Variants in SGCD observed in about 807,000 individuals in gnomAD.
SGCD encodes sarcoglycan delta.
SGCD carries 18 observed loss-of-function variants against 36.6 expected under a neutral mutation model. That is an observed-to-expected ratio of 0.49 (90% CI 0.34 to 0.73). The LOEUF is 0.73. Ranked by LOEUF, SGCD falls within the 30% of genes least tolerant of loss-of-function variation. The probability of loss-of-function intolerance (pLI) is 0.01; values close to 1 mark genes in which losing one functional copy is unlikely to be tolerated. For synonymous variants in SGCD, 133 were observed against 130.6 expected (o/e 1.02, Z -0.12); for missense variants, 387 against 346.7 (o/e 1.12, Z -0.92).
intron 1 of SGCD, among the ~76,000 whole-genome samples, chr5:155,937,539 T>C (rs1757234329): frequency 6.6e-6 from 1 of 152,166 alleles, no homozygotes; most frequent in Non-Finnish European, 1.5e-5. Flanking sequence ...CAGAAAGGAA[T>C]GAGTGTTTTG....
chr5:156,504,126 C>A (rs1050795302), intron 3 of SGCD, among the ~76,000 whole-genome samples: 7 of 151,540 alleles, frequency 4.6e-5, no homozygotes, highest in Non-Finnish European at 7.4e-5. Context: ...ATCACTTGAA[C>A]CTGGAAGGCG....
intron 1 of SGCD, among the ~76,000 whole-genome samples, chr5:156,053,489 T>C (rs1464220613): frequency 6.8e-6 from 1 of 146,182 alleles, no homozygotes; most frequent in Non-Finnish European, 1.5e-5. Flanking sequence ...TTTGTCCCAT[T>C]GAACTTCACT....
chr5:156,691,776 C>T (rs949622988), intron 7 of SGCD, among the ~76,000 whole-genome samples: 1 of 152,134 alleles, frequency 6.6e-6, no homozygotes, highest in African/African-American at 2.4e-5. Context: ...ATATTATGGA[C>T]CCCAGCAACC....
intron 4 of SGCD, among the ~76,000 whole-genome samples, chr5:156,584,251 C>G (rs1258311361): frequency 6.6e-6 from 1 of 152,138 alleles, no homozygotes; most frequent in Non-Finnish European, 1.5e-5. Context: ...AATGTCTCTC[C>G]CCTAACAAGG....
chr5:155,952,304 A>T (rs1005367115), intron 1 of SGCD, among the ~76,000 whole-genome samples: 5 of 152,088 alleles, frequency 3.3e-5, no homozygotes, highest in African/African-American at 9.7e-5. Flanking sequence ...AGTACTACTG[A>T]CATGCATTAT....
chr5:156,308,301 T>C (rs1436472410), intron 3 of SGCD, among the ~76,000 whole-genome samples: 1 of 10,850 alleles, frequency 9.2e-5, no homozygotes, highest in Non-Finnish European at 1.3e-4. Flanking sequence ...AGTGCCATAC[T>C]TTTTTTTTTT....
intron 4 of SGCD, among the ~76,000 whole-genome samples, chr5:156,549,421 A>C (rs1758706141): frequency 6.6e-6 from 1 of 152,216 alleles, no homozygotes; most frequent in Non-Finnish European, 1.5e-5. Flanking sequence ...CATGTCTTCC[A>C]TCAAACACAC....
rs145067343 is a variant in SGCD at position 155,975,509 on chromosome 5, G to A, written c.-282+105085G>A. ...TGGCAAGATACATTTACAAGTTGAA[G>A]AGTTTACTTGTTTGTTTTTATCATG... is the stretch of plus-strand genomic sequence containing the variant. On this transcript the variant is annotated intron_variant, in intron 1 of 9. Coordinates refer to the SGCD transcript ENST00000517913. Among the ~76,000 whole-genome samples, 24 of 149,728 alleles carry A rather than the reference G, an allele frequency of 1.6e-4. No homozygotes were observed. The East Asian group carries it at 4.9e-3, about 30-fold the overall frequency.
At chr5:156,728,601 C>A (rs941173515) in intron 7 of SGCD, among the ~76,000 whole-genome samples, 7 of 151,698 alleles carry the variant, frequency 4.6e-5, no homozygotes, top group African/African-American at 7.3e-5. Context: ...GCAGTGCCCC[C>A]CCACCACCAC....
At chr5:156,241,223 C>T (rs1326324162) in intron 3 of SGCD, among the ~76,000 whole-genome samples, 1 of 150,972 alleles carries the variant, frequency 6.6e-6, no homozygotes, top group Non-Finnish European at 1.5e-5. Context: ...TCACAGCTAA[C>T]TAACTGGCCT....
rs188334597 is a variant in SGCD, at chr5:156,720,949, C to T, written c.576-36632C>T. On this transcript the variant is annotated intron_variant, in intron 7 of 8. Coordinates refer to ENST00000337851, the MANE Select transcript of SGCD (RefSeq NM_000337.6). ...ACTAGGATGGCAGCAGTAGACATTT[C>T]GAAAAGTGCTTAGATTTTGAATATA... Among the ~76,000 whole-genome samples, 27 of 152,154 alleles carry T rather than the reference C, an allele frequency of 1.8e-4. No individual in the cohort carries two copies. In the East Asian group the frequency reaches 1.9e-3, roughly 11 times the overall value.
chr5:156,648,635 A>G (rs1479051276), intron 7 of SGCD, among the ~76,000 whole-genome samples: 1 of 152,128 alleles, frequency 6.6e-6, no homozygotes, highest in East Asian at 1.9e-4. Context: ...AAAATCCCAC[A>G]TAGAGTGGGC....
At chr5:155,815,591 G>A in the SGCD span, among the ~76,000 whole-genome samples, 1 of 152,202 alleles carries the variant, frequency 6.6e-6, no homozygotes, top group Admixed American at 6.5e-5. Flanking sequence ...AGGAAGCATG[G>A]TTAGGGAGAT....
At chr5:155,886,621 A>G (rs1369703217) in intron 1 of SGCD, among the ~76,000 whole-genome samples, 1 of 152,200 alleles carries the variant, frequency 6.6e-6, no homozygotes, top group African/African-American at 2.4e-5. Flanking sequence ...ACCCTACAGG[A>G]AAACAGTTCA....
chr5:156,244,025 A>C (rs1765371267), intron 3 of SGCD, among the ~76,000 whole-genome samples: 2 of 152,208 alleles, frequency 1.3e-5, no homozygotes, highest in Admixed American at 1.3e-4. Flanking sequence ...CATGACAGTG[A>C]AGAAGCCCTG....
chr5:155,942,163 A>C (rs992525761), intron 1 of SGCD, among the ~76,000 whole-genome samples: 13 of 152,198 alleles, frequency 8.5e-5, no homozygotes, highest in African/African-American at 2.2e-4. Flanking sequence ...GACATGAACT[A>C]TGTGAAGATA....
the SGCD span, among the ~76,000 whole-genome samples, chr5:155,759,936 G>A: frequency 6.6e-6 from 1 of 152,162 alleles, no homozygotes; most frequent in African/African-American, 2.4e-5. Context: ...CTCATGTTAC[G>A]TTTCTGCACA....
chr5:156,625,691 G>A (rs1322201772), intron 6 of SGCD, among the ~76,000 whole-genome samples: 2 of 152,206 alleles, frequency 1.3e-5, no homozygotes, highest in African/African-American at 4.8e-5. Context: ...ATGTCCTAAT[G>A]TAAGTGCTTA....
At chr5:155,731,472 T>C in the SGCD span, among the ~76,000 whole-genome samples, 1 of 152,178 alleles carries the variant, frequency 6.6e-6, no homozygotes, top group African/African-American at 2.4e-5. Flanking sequence ...GTCCAGATCC[T>C]TAAGTAGCCA....
Sources: gnomAD v4.1 joint callset for allele counts (sites outside exome capture counted in the v4.1 genomes callset) on GRCh38, gnomAD v4.1.1 for gene constraint, MANE v1.5 for transcripts, NCBI Gene and HGNC (gene_info 2026-07-23, HGNC 2026-07-21) for gene names.